The following UTRN variants were observed in gnomAD, a reference collection of about 807,000 sequenced individuals.
UTRN encodes the protein dystrophin-related protein 1.
UTRN carries 283 observed loss-of-function variants against 463.9 expected under a neutral mutation model. The ratio of observed to expected loss-of-function variants is 0.61; its 90% CI spans 0.55 to 0.67. The LOEUF is 0.67. UTRN is among the 30% of genes least tolerant of loss of function. The pLI, the probability that UTRN is intolerant of heterozygous loss-of-function variation, is 0.00. For missense variants in UTRN, 3,922 were observed against 4,084.3 expected, an observed-to-expected ratio of 0.96 and a Z score of 1.08; for synonymous variants, 1,442 against 1,431.5, an observed-to-expected ratio of 1.01 and a Z score of -0.17.
At chr6:144,445,650 G>A (rs574925937) in intron 14 of UTRN, among the ~76,000 whole-genome samples, 13 of 151,404 alleles carry the variant, frequency 8.6e-5, no homozygotes, top group African/African-American at 2.9e-4. Flanking sequence ...TACATTTCAT[G>A]TTACAAATAT....
At position 144,418,380 on chromosome 6, in the gene UTRN, A is replaced by AT. The variant is rs369278118; in HGVS notation, c.142-3482dup. Among the ~76,000 whole-genome samples the AT allele has an allele frequency of 3.6e-4, 49 of 137,248 alleles. No individual in the cohort carries two copies. The Middle Eastern group carries it at 0.011, about 31-fold the overall frequency. The allele number at this position is 137,248 out of a possible 152,430, so 90.0% of individuals were successfully genotyped here. A position where few individuals can be genotyped will look rare whatever the true frequency, so the allele number is the denominator to read the frequency against. On this transcript the variant is annotated intron_variant, in intron 3 of 74. Transcript: ENST00000367545. ...AGGCGCCCGCCACCACGCCCGGCTA[A>AT]TTTTTTTTTTTTTTTTGTATTTTTA...
At chr6:144,835,370 A>G (rs915006785) in intron 69 of UTRN, among the ~76,000 whole-genome samples, 17 of 152,234 alleles carry the variant, frequency 1.1e-4, no homozygotes, top group Admixed American at 6.5e-5. Context: ...AAGCATTTCA[A>G]AGTTACTTTC....
At chr6:144,669,749 C>G (rs554988636) in intron 51 of UTRN, among the ~76,000 whole-genome samples, 1 of 152,218 alleles carries the variant, frequency 6.6e-6, no homozygotes, top group South Asian at 2.1e-4. Context: ...CCCACCCTTC[C>G]CCTGGAGCTC....
At chr6:144,372,261 G>T (rs745429367) in intron 2 of UTRN, among the ~76,000 whole-genome samples, 7 of 152,234 alleles carry the variant, frequency 4.6e-5, no homozygotes, top group Non-Finnish European at 8.8e-5. Context: ...ATGCCTGGGG[G>T]CAGATTGCCT....
chr6:144,409,965 G>A lies in UTRN; in HGVS notation c.141+6781G>A, dbSNP rs530119361. Among the ~76,000 whole-genome samples the A allele has an allele frequency of 5.9e-5, 9 of 152,258 alleles. No homozygotes were observed. The South Asian group carries it at 1.9e-3, about 32-fold the overall frequency. On this transcript the variant is annotated intron_variant, in intron 3 of 74. Transcript: ENST00000367545. ...CACACAAATATTCAGTAAAGTGGGA[G>A]AAAGAACAATGAACACTTGTCTCTG...
chr6:144,831,995 T>G (rs1002313178), intron 69 of UTRN, among the ~76,000 whole-genome samples: 4 of 152,254 alleles, frequency 2.6e-5, no homozygotes, highest in African/African-American at 7.2e-5. Context: ...ACTAATTTTG[T>G]AATCTAGATA....
chr6:144,791,719 A>G (rs114050454), intron 62 of UTRN, among the ~76,000 whole-genome samples: 1,718 of 152,246 alleles, frequency 0.011, 31 homozygotes, highest in African/African-American at 0.04. Flanking sequence ...GTATCTTACT[A>G]TAATGTTGAG....
intron 3 of UTRN, among the ~76,000 whole-genome samples, chr6:144,411,745 G>A (rs980293050): frequency 6.6e-6 from 1 of 152,132 alleles, no homozygotes; most frequent in Middle Eastern, 3.4e-3. Context: ...AGTTAATGAG[G>A]CATACTCTGT....
rs1166878328 is a variant in UTRN, at chr6:144,291,918, G to T, written c.79+11G>T. 6.2e-7 allele frequency: 1 copy of T among 1,601,584 alleles called. No individual in the cohort carries two copies. The highest frequency in any genetic ancestry group is 1.1e-5 in the South Asian group (1 of 88,572). On this transcript the variant is annotated intron_variant, in intron 2 of 74. Coordinates refer to ENST00000367545, the MANE Select transcript of UTRN (RefSeq NM_007124.3). ...TTAAGTCCAGATCTGGTAGGTAAAG[G>T]AAGCTCAAGAAAGCTATGGATTTTT...
At chr6:144,818,468 C>T (rs543249507) in intron 65 of UTRN, among the ~76,000 whole-genome samples, 3 of 152,308 alleles carry the variant, frequency 2.0e-5, no homozygotes, top group African/African-American at 7.2e-5. Context: ...ACTCACTCCA[C>T]TCAGGGCTGT....
intron 54 of UTRN, among the ~76,000 whole-genome samples, chr6:144,738,716 T>TA (rs959596558): frequency 1.3e-5 from 2 of 152,192 alleles, no homozygotes; most frequent in African/African-American, 4.8e-5. Context: ...ATTTTTAGAT[T>TA]AAAAAAGAGA....
chr6:144,754,851 C>A (rs1272507931), intron 57 of UTRN, 53 bp downstream of exon 57: 2 of 1,550,256 alleles, frequency 1.3e-6, no homozygotes, highest in Non-Finnish European at 1.8e-6. Flanking sequence ...TTAGCATTTT[C>A]TTTCACTTTA....
chr6:144,309,622 C>A (rs932125139), intron 2 of UTRN, among the ~76,000 whole-genome samples: 3 of 152,210 alleles, frequency 2.0e-5, no homozygotes, highest in African/African-American at 7.2e-5. Context: ...CTGTCCTGGT[C>A]TAGGGGACCA....
chr6:144,416,417 C>T (rs1294937830), intron 3 of UTRN, among the ~76,000 whole-genome samples: 4 of 152,186 alleles, frequency 2.6e-5, no homozygotes, highest in East Asian at 1.9e-4. Context: ...AGCTGATTCT[C>T]CAGATGTGCC....
In UTRN at chr6:144,447,695, G is replaced by C; in HGVS notation, c.1816G>C (p.Ala606Pro). The C allele has an allele frequency of 1.2e-6, 2 of 1,614,012 alleles. No individual in the cohort carries two copies. Among genetic ancestry groups the C allele is most frequent in the Non-Finnish European group, 1.7e-6 (2 of 1,179,954 alleles). Residue 606 changes from alanine (A) to proline (P), a missense_variant, in exon 16 of 75, where the codon GCA becomes CCA. Physicochemically the swap from Ala to Pro is conservative, Grantham distance 27 (BLOSUM62 -1). Coordinates refer to ENST00000367545, the MANE Select transcript of UTRN (RefSeq NM_007124.3). ...GGGACAATTACTTGATAATTCCAAGGCATCTAAGAAGATCAACAGTGACTC... is the reference window on the plus strand; with the variant it reads ...GGGACAATTACTTGATAATTCCAAGCCATCTAAGAAGATCAACAGTGACTC... ...DVGQLLDNSK[A>P]SKKINSDSEE...
At position 144,630,189 on chromosome 6, in the gene UTRN, A is replaced by G. The variant is rs74523775; in HGVS notation, c.7480-48217A>G. 4.4e-3 allele frequency among the ~76,000 whole-genome samples: 664 copies of G among 152,304 alleles called. 20 individuals carry two copies. In the East Asian group the frequency reaches 0.092, roughly 21 times the overall value. ...GGTGACAGAGCGAGACTCCATCTCA[A>G]AAAATAAATAAAAAATGAAGTGGCA... On this transcript the variant is annotated intron_variant, in intron 51 of 74. Coordinates refer to ENST00000367545, the MANE Select transcript of UTRN (RefSeq NM_007124.3).
Position 144,428,850 on chromosome 6 carries a change from G to T in UTRN, c.651G>T (p.Lys217Asn), listed in dbSNP as rs1315175395. The T allele has an allele frequency of 5.0e-6, 8 of 1,611,124 alleles. No individual in the cohort carries two copies. The highest frequency in any genetic ancestry group is 6.8e-6 in the Non-Finnish European group (8 of 1,179,218). ...PIERLEHAFS[K>N]AQTYLGIEKL... Reference sequence around the variant, plus strand: ...AGAGACTTGAACATGCCTTCAGCAAGGCTCAAACTTATTTGGGAATTGAAA... The same window carrying T: ...AGAGACTTGAACATGCCTTCAGCAATGCTCAAACTTATTTGGGAATTGAAA... The change falls in exon 8 of 75, where the codon AAG becomes AAT. Residue 217 changes from lysine (K) to asparagine (N), a missense_variant. Lys to Asn is a moderately conservative substitution (Grantham distance 94, BLOSUM62 0). Coordinates refer to ENST00000367545, the MANE Select transcript of UTRN (RefSeq NM_007124.3).
At chr6:144,292,041 A>G (rs1443327746) in intron 2 of UTRN, 134 bp downstream of exon 2, 3 of 847,246 alleles carry the variant, frequency 3.5e-6, no homozygotes, top group Non-Finnish European at 5.2e-6. Context: ...ATTCTGACAA[A>G]TGACTATAAT....
At chr6:144,567,806 A>G (rs1168932609) in intron 50 of UTRN, among the ~76,000 whole-genome samples, 1 of 152,200 alleles carries the variant, frequency 6.6e-6, no homozygotes. Flanking sequence ...GGCAACACAC[A>G]TTGATGGGTT....
Sources: gnomAD v4.1 joint callset for allele counts (sites outside exome capture counted in the v4.1 genomes callset) on GRCh38, gnomAD v4.1.1 for gene constraint, MANE v1.5 for transcripts, NCBI Gene and HGNC (gene_info 2026-07-23, HGNC 2026-07-21) for gene names.